Variants in EVA1C observed in about 807,000 individuals in gnomAD.
EVA1C encodes the protein protein eva-1 homolog C.
Under a neutral mutation model 45.4 loss-of-function variants are expected in EVA1C, and 25 were observed. The observed-to-expected ratio is 0.55, with a 90% CI of 0.40 to 0.77. The LOEUF is 0.77. EVA1C is among the 30% of genes least tolerant of loss of function. EVA1C has a pLI of 0.00. For missense variants in EVA1C, 479 were observed against 554.8 expected (o/e 0.86, Z 1.37); for synonymous variants, 190 against 221.2 (o/e 0.86, Z 1.25).
chr21:32,479,440 C>G lies in EVA1C; in HGVS notation c.634+11592C>G, dbSNP rs140039571. Among the ~76,000 whole-genome samples, 3 of 152,004 alleles carry G rather than the reference C, an allele frequency of 2.0e-5. No homozygotes were observed. The East Asian group carries it at 5.8e-4, about 29-fold the overall frequency. ...TCTGTCCCTGCCCTCCCCAACCCCCCAGAAAAAAGAAGCAGCAGAAGGTGC... is the reference window on the plus strand; with the variant it reads ...TCTGTCCCTGCCCTCCCCAACCCCCGAGAAAAAAGAAGCAGCAGAAGGTGC... On this transcript the variant is annotated intron_variant, in intron 4 of 7. Transcript: ENST00000300255.
At chr21:32,430,474 G>A (rs1420256302) in intron 1 of EVA1C, among the ~76,000 whole-genome samples, 1 of 151,990 alleles carries the variant, frequency 6.6e-6, no homozygotes, top group Non-Finnish European at 1.5e-5. Flanking sequence ...GGATGTAAGG[G>A]TTATTGTATT....
intron 2 of EVA1C, among the ~76,000 whole-genome samples, chr21:32,455,473 T>C (rs796086482): frequency 1.3e-5 from 2 of 152,140 alleles, no homozygotes; most frequent in African/African-American, 4.8e-5. Context: ...ATTCCAGCCA[T>C]AGCACCCACC....
rs543275901 is a variant in EVA1C at position 32,468,022 on chromosome 21, A to G, written c.634+174A>G. On this transcript the variant is annotated intron_variant, in intron 4 of 7. Coordinates refer to ENST00000300255, the MANE Select transcript of EVA1C (RefSeq NM_058187.5). ...TTAATAAACTCCCGTGTGTGTGTGT[A>G]TGTATATATATATAAATGCTTGTAA... is the stretch of plus-strand genomic sequence containing the variant. 40 of 319,650 alleles carry G rather than the reference A, an allele frequency of 1.3e-4. 1 individual carries two copies. Among genetic ancestry groups the G allele is most frequent in the South Asian group, 1.0e-3 (7 of 6,770 alleles). 19.8% of individuals were successfully genotyped at this position (319,650 alleles called of 1,614,324 possible).
chr21:32,446,977 C>T (rs1222599444), intron 1 of EVA1C, among the ~76,000 whole-genome samples: 3 of 152,190 alleles, frequency 2.0e-5, no homozygotes, highest in Admixed American at 6.5e-5. Context: ...TGGTCCCTTG[C>T]GCCCCTCCCC....
intron 4 of EVA1C, among the ~76,000 whole-genome samples, chr21:32,489,893 C>G (rs1296369228): frequency 2.0e-5 from 3 of 152,154 alleles, no homozygotes; most frequent in South Asian, 2.1e-4. Context: ...CCTCTGCCTC[C>G]TGGGTTCAAG....
chr21:32,471,672 A>G (rs2036382087), intron 4 of EVA1C, among the ~76,000 whole-genome samples: 1 of 143,898 alleles, frequency 6.9e-6, no homozygotes, highest in South Asian at 2.2e-4. Context: ...TCTGTCCCCC[A>G]GGCTAGAGTG....
At chr21:32,480,019 G>A (rs1018332180) in intron 4 of EVA1C, among the ~76,000 whole-genome samples, 4 of 151,896 alleles carry the variant, frequency 2.6e-5, no homozygotes, top group African/African-American at 9.7e-5. Flanking sequence ...CTTGATGTTT[G>A]GAATACCCTT....
intron 7 of EVA1C, among the ~76,000 whole-genome samples, chr21:32,511,680 C>G (rs186755119): frequency 1.4e-4 from 21 of 152,242 alleles, no homozygotes; most frequent in Non-Finnish European, 2.6e-4. Context: ...GAGCCAAGTG[C>G]TGGAGAAGAT....
At chr21:32,422,045 A>C (rs76266269) in intron 1 of EVA1C, among the ~76,000 whole-genome samples, 7 of 34,170 alleles carry the variant, frequency 2.0e-4, no homozygotes, top group Non-Finnish European at 3.2e-4. Flanking sequence ...ACCCTGTCTC[A>C]AAAAAAAAAA....
intron 1 of EVA1C, among the ~76,000 whole-genome samples, chr21:32,440,090 T>G (rs57096596): frequency 0.022 from 3,324 of 152,186 alleles, 125 homozygotes; most frequent in African/African-American, 0.076. Context: ...TCGAGCTCTG[T>G]TGGTCCTTCC....
At chr21:32,448,916 G>GAGAA (rs2035463705) in intron 1 of EVA1C, among the ~76,000 whole-genome samples, 1 of 145,940 alleles carries the variant, frequency 6.9e-6, no homozygotes, top group Non-Finnish European at 1.5e-5. Context: ...AAGGAGAAAA[G>GAGAA]AGAGAAAGAA....
intron 3 of EVA1C, among the ~76,000 whole-genome samples, chr21:32,459,500 T>C (rs1193368760): frequency 6.6e-6 from 1 of 152,224 alleles, no homozygotes; most frequent in Non-Finnish European, 1.5e-5. Context: ...TCCTTTTTTT[T>C]CTGTTCTCCA....
At chr21:32,442,731 C>T (rs1200370428) in intron 1 of EVA1C, among the ~76,000 whole-genome samples, 1 of 150,250 alleles carries the variant, frequency 6.7e-6, no homozygotes, top group African/African-American at 2.5e-5. Flanking sequence ...CTTTCTTTTC[C>T]CAGAAGTAAG....
rs114784027 is a variant in EVA1C at position 32,465,958 on chromosome 21, G to A, written c.482-1738G>A. ...ATGGGACATTCCCACCATCTCAGAAGTCTTCCTTGTGTCCATTTCTGTCAC... is the reference window on the plus strand; with the variant it reads ...ATGGGACATTCCCACCATCTCAGAAATCTTCCTTGTGTCCATTTCTGTCAC... On this transcript the variant is annotated intron_variant, in intron 3 of 7. Coordinates refer to ENST00000300255, the MANE Select transcript of EVA1C (RefSeq NM_058187.5). Among the ~76,000 whole-genome samples the A allele has an allele frequency of 2.5e-3, 380 of 152,270 alleles. 2 individuals are homozygous for A. The highest frequency in any genetic ancestry group is 8.9e-3 in the African/African-American group (368 of 41,548).
chr21:32,490,343 C>T (rs1211191361), intron 4 of EVA1C, among the ~76,000 whole-genome samples: 1 of 152,186 alleles, frequency 6.6e-6, no homozygotes, highest in African/African-American at 2.4e-5. Context: ...CTTTTTGTGA[C>T]TGGCTTACTT....
intron 1 of EVA1C, among the ~76,000 whole-genome samples, chr21:32,439,314 C>A (rs2035086530): frequency 6.6e-6 from 1 of 151,298 alleles, no homozygotes; most frequent in Non-Finnish European, 1.5e-5. Flanking sequence ...ATAAAGGGTC[C>A]ACAGGACAAT....
chr21:32,509,965 G>T (rs1601076572), intron 7 of EVA1C, among the ~76,000 whole-genome samples: 1 of 151,932 alleles, frequency 6.6e-6, no homozygotes. Flanking sequence ...GGTGACAAGG[G>T]CCAGGTCATA....
intron 1 of EVA1C, among the ~76,000 whole-genome samples, chr21:32,417,275 C>T (rs1411208782): frequency 2.6e-5 from 4 of 152,228 alleles, no homozygotes; most frequent in African/African-American, 9.6e-5. Context: ...TATTTTATCA[C>T]AGTTCTGGAG....
chr21:32,487,199 G>A (rs2036998323), intron 4 of EVA1C, among the ~76,000 whole-genome samples: 1 of 152,176 alleles, frequency 6.6e-6, no homozygotes, highest in Non-Finnish European at 1.5e-5. Context: ...AGCCCCTAAT[G>A]ATGGGGGGCT....
Sources: allele counts gnomAD v4.1 joint callset (sites outside exome capture counted in the v4.1 genomes callset), GRCh38; gene constraint gnomAD v4.1.1; transcripts MANE v1.5; gene names NCBI Gene and HGNC (gene_info 2026-07-23, HGNC 2026-07-21).